BMPR1B: variants seen among roughly 807,000 people sequenced by gnomAD.
BMPR1B encodes the protein bone morphogenetic protein receptor type-1B.
A neutral mutation model predicts 59.1 loss-of-function variants in BMPR1B; 12 were observed. The observed-to-expected ratio is 0.20, with a 90% CI of 0.13 to 0.33. The LOEUF (loss-of-function observed/expected upper bound fraction) is 0.33, where lower values mean the gene tolerates loss of function less well. Ranked by LOEUF, BMPR1B falls within the 10% of genes least tolerant of loss-of-function variation. The pLI, the probability that BMPR1B is intolerant of heterozygous loss-of-function variation, is 1.00. For missense variants in BMPR1B, 550 were observed against 610.9 expected (o/e 0.90, Z 1.05); for synonymous variants, 237 against 207.3 (o/e 1.14, Z -1.23).
intron 2 of BMPR1B, among the ~76,000 whole-genome samples, chr4:94,981,017 A>G (rs910191431): frequency 3.1e-3 from 57 of 18,274 alleles, no homozygotes; most frequent in African/African-American, 8.9e-3. Context: ...ACACACACAC[A>G]CACACAAAAA....
At chr4:94,999,737 T>C (rs909786224) in intron 3 of BMPR1B, among the ~76,000 whole-genome samples, 7 of 152,128 alleles carry the variant, frequency 4.6e-5, no homozygotes, top group African/African-American at 1.7e-4. Context: ...GCCGGGAGAA[T>C]TGCAGAATGA....
At chr4:94,977,989 T>C (rs1355735907) in intron 2 of BMPR1B, among the ~76,000 whole-genome samples, 1 of 152,202 alleles carries the variant, frequency 6.6e-6, no homozygotes, top group Non-Finnish European at 1.5e-5. Context: ...TTTTTTCTAG[T>C]ACATAACAAG....
intron 3 of BMPR1B, among the ~76,000 whole-genome samples, chr4:95,057,354 C>G (rs924891909): frequency 6.6e-6 from 1 of 152,032 alleles, no homozygotes; most frequent in African/African-American, 2.4e-5. Context: ...AAGTGATTCT[C>G]CTGCCTCAGC....
intron 1 of BMPR1B, among the ~76,000 whole-genome samples, chr4:94,860,614 C>T (rs867185024): frequency 6.6e-6 from 1 of 152,118 alleles, no homozygotes; most frequent in Non-Finnish European, 1.5e-5. Context: ...TTAAGATTGT[C>T]TATTTATAAA....
intron 1 of BMPR1B, among the ~76,000 whole-genome samples, chr4:94,784,979 T>C (rs1175478708): frequency 1.3e-5 from 2 of 152,130 alleles, no homozygotes; most frequent in African/African-American, 4.8e-5. Flanking sequence ...CAGCAGCTGC[T>C]TGGAGGGGTC....
chr4:95,047,845 A>C (rs1444855417), intron 3 of BMPR1B, among the ~76,000 whole-genome samples: 1 of 152,206 alleles, frequency 6.6e-6, no homozygotes, highest in Non-Finnish European at 1.5e-5. Context: ...CAGGTTTGTT[A>C]CATGGGCATA....
At chr4:94,968,144 A>G (rs1230449248) in intron 2 of BMPR1B, among the ~76,000 whole-genome samples, 3 of 152,078 alleles carry the variant, frequency 2.0e-5, no homozygotes, top group African/African-American at 7.2e-5. Context: ...TCCAGACATC[A>G]TTACTTAACA....
chr4:94,789,900 A>G (rs978247114), intron 1 of BMPR1B, among the ~76,000 whole-genome samples: 10 of 152,128 alleles, frequency 6.6e-5, no homozygotes, highest in African/African-American at 2.4e-4. Context: ...GAGACAGCAA[A>G]TAGAGGATTT....
At chr4:95,076,608 G>A (rs535079657) in intron 3 of BMPR1B, among the ~76,000 whole-genome samples, 90 of 152,082 alleles carry the variant, frequency 5.9e-4, no homozygotes, top group Middle Eastern at 3.4e-3. Flanking sequence ...AGTTCATGGA[G>A]GTTAAGTAAA....
chr4:94,932,736 A>C (rs895621863), intron 2 of BMPR1B, among the ~76,000 whole-genome samples: 1 of 152,146 alleles, frequency 6.6e-6, no homozygotes, highest in African/African-American at 2.4e-5. Context: ...ATTAATATAC[A>C]TAATAATAAG....
At chr4:94,840,853 T>G (rs2148934486) in intron 1 of BMPR1B, among the ~76,000 whole-genome samples, 1 of 148,512 alleles carries the variant, frequency 6.7e-6, no homozygotes, top group South Asian at 2.2e-4. Context: ...TTTTTGGAGT[T>G]TCCAGTTTTT....
At chr4:95,017,367 C>G (rs1329121174) in intron 3 of BMPR1B, among the ~76,000 whole-genome samples, 1 of 152,216 alleles carries the variant, frequency 6.6e-6, no homozygotes, top group Non-Finnish European at 1.5e-5. Flanking sequence ...CTACCCTGTT[C>G]TCTCCACCTG....
At chr4:94,807,294 C>T (rs1723641032) in intron 1 of BMPR1B, among the ~76,000 whole-genome samples, 1 of 152,066 alleles carries the variant, frequency 6.6e-6, no homozygotes, top group South Asian at 2.1e-4. Context: ...TGGGATTTCA[C>T]CATGTTGTCC....
At position 94,903,830 on chromosome 4, in the gene BMPR1B, T is replaced by A. The variant is rs763977; in HGVS notation, c.-113+27930T>A. ...ACACAGAAAGGACAGCCATCTGCAA[T>A]GCAAGGAGGGAGGCCTCAGAAGAAA... On this transcript the variant is annotated intron_variant, in intron 2 of 12. Transcript: ENST00000515059. Among the ~76,000 whole-genome samples the A allele has an allele frequency of 4.4e-3, 662 of 152,026 alleles. 3 individuals are homozygous for A. The highest frequency in any genetic ancestry group is 0.01 in the Middle Eastern group (3 of 294).
At chr4:94,844,260 T>A (rs1178953246) in intron 1 of BMPR1B, among the ~76,000 whole-genome samples, 1 of 98,564 alleles carries the variant, frequency 1.0e-5, no homozygotes, top group Non-Finnish European at 2.0e-5. Context: ...TGTGTGTGAA[T>A]CTTCTAGTTC....
At chr4:95,077,539 T>C (rs1012961564) in intron 3 of BMPR1B, among the ~76,000 whole-genome samples, 5 of 152,186 alleles carry the variant, frequency 3.3e-5, no homozygotes, top group Non-Finnish European at 7.4e-5. Flanking sequence ...AGCACTTTGC[T>C]AATGGTTTGT....
intron 2 of BMPR1B, among the ~76,000 whole-genome samples, chr4:94,951,730 G>C (rs1232978962): frequency 6.6e-6 from 1 of 151,952 alleles, no homozygotes; most frequent in African/African-American, 2.4e-5. Context: ...TTTTTTTGTT[G>C]TGTCTCTACC....
intron 1 of BMPR1B, among the ~76,000 whole-genome samples, chr4:94,867,742 C>T (rs983787579): frequency 3.3e-5 from 5 of 152,174 alleles, no homozygotes; most frequent in Admixed American, 2.6e-4. Flanking sequence ...CTTGGGAAAA[C>T]ATAAGTTTTC....
chr4:94,853,960 C>T (rs895742385), intron 1 of BMPR1B, among the ~76,000 whole-genome samples: 1 of 152,186 alleles, frequency 6.6e-6, no homozygotes, highest in Admixed American at 6.5e-5. Flanking sequence ...AGTGATTTTA[C>T]AGCCTTTTTC....
Sources: allele counts gnomAD v4.1 joint callset (sites outside exome capture counted in the v4.1 genomes callset), GRCh38; gene constraint gnomAD v4.1.1; transcripts MANE v1.5; gene names NCBI Gene and HGNC (gene_info 2026-07-23, HGNC 2026-07-21).